The following CEP89 variants were observed in gnomAD, a reference collection of about 807,000 sequenced individuals.
CEP89 encodes centrosomal protein of 89 kDa.
In CEP89, 95 loss-of-function variants were observed where a neutral mutation model predicts 97.6. The ratio of observed to expected loss-of-function variants is 0.97; its 90% confidence interval spans 0.82 to 1.15. CEP89 has a LOEUF of 1.15. Ranked by LOEUF, CEP89 falls within the 50% of genes most tolerant of loss-of-function variation. The pLI, the probability that CEP89 is intolerant of heterozygous loss-of-function variation, is 0.00. For missense variants in CEP89, 869 were observed against 947.7 expected, an observed-to-expected ratio of 0.92 and a Z score of 1.09; for synonymous variants, 354 against 349.1, an observed-to-expected ratio of 1.01 and a Z score of -0.16.
intron 10 of CEP89, 45 bp from the exon 11 acceptor site, chr19:32,926,318 A>G: frequency 7.4e-7 from 1 of 1,355,094 alleles, no homozygotes; most frequent in Non-Finnish European, 1.0e-6. Context: ...TCTTACATCT[A>G]AACACAACCA....
At chr19:32,943,817 G>A (rs1309659903) in intron 5 of CEP89, among the ~76,000 whole-genome samples, 1 of 152,072 alleles carries the variant, frequency 6.6e-6, no homozygotes, top group Non-Finnish European at 1.5e-5. Flanking sequence ...CAAGCAGATG[G>A]TGGGACACCA....
intron 3 of CEP89, among the ~76,000 whole-genome samples, chr19:32,959,417 C>T (rs1971117740): frequency 6.6e-6 from 1 of 152,166 alleles, no homozygotes; most frequent in South Asian, 2.1e-4. Context: ...CCTGTGTCAG[C>T]TCAAACCCAG....
Position 32,967,132 on chromosome 19 carries a change from CTTATCT to C in CEP89, c.40-672_40-667del, listed in dbSNP as rs542042860. Among the ~76,000 whole-genome samples the C allele has an allele frequency of 2.8e-3, 430 of 152,288 alleles. 4 individuals are homozygous for C. The highest frequency in any genetic ancestry group is 9.7e-3 in the African/African-American group (402 of 41,570). ...GCGAGTGCTGCACCTGGCCCACTCTCTTATCTTTATCAATCCTGGAACTCTAGCATT... is the reference window on the plus strand; with the variant it reads ...GCGAGTGCTGCACCTGGCCCACTCTCTTATCAATCCTGGAACTCTAGCATT... On this transcript the variant is annotated intron_variant, in intron 1 of 18. Transcript: ENST00000305768.
intron 16 of CEP89, among the ~76,000 whole-genome samples, chr19:32,892,220 T>C (rs1433758013): frequency 1.1e-5 from 1 of 88,964 alleles, no homozygotes; most frequent in African/African-American, 5.3e-5. Context: ...TATATATATA[T>C]ATATATATAT....
At chr19:32,939,027 G>A (rs543405365) in intron 6 of CEP89, among the ~76,000 whole-genome samples, 13 of 152,036 alleles carry the variant, frequency 8.6e-5, no homozygotes, top group South Asian at 2.1e-4. Flanking sequence ...CAGGAGGATC[G>A]CTTGAGCCCA....
At chr19:32,914,962 C>T (rs1027748675) in intron 14 of CEP89, among the ~76,000 whole-genome samples, 2 of 151,846 alleles carry the variant, frequency 1.3e-5, no homozygotes, top group African/African-American at 4.8e-5. Flanking sequence ...GTGGAGGTTA[C>T]AGGTGCCGAG....
chr19:32,924,813 C>T (rs188084852), intron 11 of CEP89, among the ~76,000 whole-genome samples: 1 of 152,066 alleles, frequency 6.6e-6, no homozygotes, highest in Non-Finnish European at 1.5e-5. Context: ...ACATGTTATC[C>T]TCATCTGCTT....
At chr19:32,898,153 A>T (rs1446118243) in intron 16 of CEP89, among the ~76,000 whole-genome samples, 1 of 152,252 alleles carries the variant, frequency 6.6e-6, no homozygotes, top group Non-Finnish European at 1.5e-5. Flanking sequence ...GGACAAACAG[A>T]TAAAGAAAAT....
At chr19:32,963,165 G>T (rs1013113883) in intron 2 of CEP89, among the ~76,000 whole-genome samples, 1 of 152,118 alleles carries the variant, frequency 6.6e-6, no homozygotes, top group Non-Finnish European at 1.5e-5. Flanking sequence ...AGATCAGCCT[G>T]GCCAACATGG....
rs376354209 is a variant in CEP89 at position 32,915,471 on chromosome 19, G to A, written c.1431C>T (p.His477=). The change falls in exon 14 of 19, where the codon CAC becomes CAT. Residue 477 remains histidine (H), a synonymous_variant. Coordinates refer to ENST00000305768, the MANE Select transcript of CEP89 (RefSeq NM_032816.5). ...KQLMLLEAKT[H]GQEKELAENR... ...TCTCCGCCAGCTCCTTTTCCTGGCC[G>A]TGGGTTTTTGCCTCCAGGAGCATTA... 50 of 1,612,686 alleles carry A rather than the reference G, an allele frequency of 3.1e-5. No homozygotes were observed. Among genetic ancestry groups the A allele is most frequent in the Non-Finnish European group, 3.6e-5 (43 of 1,179,782 alleles).
chr19:32,954,451 A>G (rs759713151), intron 3 of CEP89, among the ~76,000 whole-genome samples: 2 of 151,282 alleles, frequency 1.3e-5, no homozygotes, highest in South Asian at 2.1e-4. Context: ...TGTAGCCTCA[A>G]TCTCTCTGGG....
At chr19:32,887,614 A>C (rs1197073965) in intron 17 of CEP89, 138 bp downstream of exon 17, 4 of 627,850 alleles carry the variant, frequency 6.4e-6, no homozygotes, top group Non-Finnish European at 1.1e-5. Flanking sequence ...TGCCAGCAAA[A>C]CCTTACAATA....
chr19:32,918,073 T>C (rs541005792), intron 13 of CEP89, 151 bp downstream of exon 13: 85 of 668,010 alleles, frequency 1.3e-4, no homozygotes, highest in Admixed American at 2.8e-4. Flanking sequence ...GGTAGTGACG[T>C]GGAAAGGTTA....
chr19:32,933,472 C>T lies in CEP89; in HGVS notation c.865G>A (p.Glu289Lys). 1.2e-6 allele frequency: 2 copies of T among 1,614,012 alleles called. No individual in the cohort carries two copies. Among genetic ancestry groups the T allele is most frequent in the Non-Finnish European group, 1.7e-6 (2 of 1,179,988 alleles). Reference protein sequence around the residue: ...EKEKRKLKEAEKASSQEVAAP... With the variant: ...EKEKRKLKEAKKASSQEVAAP... ...CCACCTTCCTGTGACGACGCCTTCT[C>T]AGCCTCTTTGAGCTTTCTCTTCTCT... Residue 289 changes from glutamate (E) to lysine (K), a missense_variant, in exon 8 of 19, where the codon GAG becomes AAG. Glu to Lys is a moderately conservative substitution (Grantham distance 56). Coordinates refer to ENST00000305768, the MANE Select transcript of CEP89 (RefSeq NM_032816.5).
chr19:32,901,549 A>G (rs2145888889), intron 14 of CEP89, 137 bp from the exon 15 acceptor site: 1 of 810,110 alleles, frequency 1.2e-6, no homozygotes, highest in East Asian at 2.5e-5. Flanking sequence ...CTCTGTGGAA[A>G]CATCTCCCCA....
chr19:32,932,113 G>A (rs1020784015), intron 8 of CEP89, among the ~76,000 whole-genome samples: 4 of 151,714 alleles, frequency 2.6e-5, no homozygotes, highest in African/African-American at 7.3e-5. Context: ...CCCAGGGGGT[G>A]GAGCTCGCAG....
chr19:32,924,819 T>C (rs1970321939), intron 11 of CEP89, among the ~76,000 whole-genome samples: 1 of 152,230 alleles, frequency 6.6e-6, no homozygotes, highest in Non-Finnish European at 1.5e-5. Flanking sequence ...TATCCTCATC[T>C]GCTTTCATGT....
At chr19:32,958,330 T>C (rs1971094036) in intron 3 of CEP89, among the ~76,000 whole-genome samples, 1 of 151,650 alleles carries the variant, frequency 6.6e-6, no homozygotes, top group African/African-American at 2.4e-5. Flanking sequence ...TTACAGAAAA[T>C]GTAAAGAAAA....
chr19:32,965,504 T>C (rs939107784), intron 2 of CEP89, among the ~76,000 whole-genome samples: 1 of 151,686 alleles, frequency 6.6e-6, no homozygotes, highest in African/African-American at 2.4e-5. Context: ...GATTTCAGCC[T>C]GGGAAACATG....
Sources: gnomAD v4.1 joint callset for allele counts (sites outside exome capture counted in the v4.1 genomes callset) on GRCh38, gnomAD v4.1.1 for gene constraint, MANE v1.5 for transcripts, NCBI Gene and HGNC (gene_info 2026-07-23, HGNC 2026-07-21) for gene names.